CSMD1: variants seen among roughly 807,000 people sequenced by gnomAD.
The protein encoded by CSMD1 is CUB and Sushi multiple domains 1, also known as CUB and sushi domain-containing protein 1.
Under a neutral mutation model 417.5 loss-of-function variants are expected in CSMD1, and 213 were observed. The observed-to-expected ratio is 0.51, with a 90% CI of 0.46 to 0.57. The LOEUF (loss-of-function observed/expected upper bound fraction) is 0.57, where lower values mean the gene tolerates loss of function less well. Among genes scored for constraint, CSMD1 ranks in the 20% least tolerant of loss-of-function variants. The pLI is 0.00. For missense variants in CSMD1, 6,923 were observed against 4,529.7 expected (o/e 1.53, Z -15.17); for synonymous variants, 2,862 against 1,736.8 (o/e 1.65, Z -16.11).
chr8:3,524,439 G>C (rs904779552), intron 10 of CSMD1, among the ~76,000 whole-genome samples: 1 of 138,524 alleles, frequency 7.2e-6, no homozygotes, highest in African/African-American at 2.8e-5. Context: ...ATCTGCATCT[G>C]CACGCACACA....
Position 4,592,262 on chromosome 8 carries a change from A to G in CSMD1, c.302+45080T>C, listed in dbSNP as rs190900639. On this transcript the variant is annotated intron_variant, in intron 2 of 69. Coordinates refer to ENST00000635120, the MANE Select transcript of CSMD1 (RefSeq NM_033225.6). ...TCTAGTTGCAGTAACTAAAGTGTCC[A>G]GGAGGGTATTACAGAATAGTGAAAG... is the stretch of plus-strand genomic sequence containing the variant. 1.5e-3 allele frequency among the ~76,000 whole-genome samples: 223 copies of G among 151,644 alleles called. 1 individual carries two copies. Among genetic ancestry groups the G allele is most frequent in the African/African-American group, 5.3e-3 (220 of 41,272 alleles).
intron 5 of CSMD1, among the ~76,000 whole-genome samples, chr8:3,885,501 A>T (rs1585139644): frequency 6.6e-6 from 1 of 152,160 alleles, no homozygotes; most frequent in African/African-American, 2.4e-5. Context: ...CTCTCGAAAA[A>T]TGTCTCTAGA....
At chr8:4,072,535 T>C (rs549841719) in intron 3 of CSMD1, among the ~76,000 whole-genome samples, 2 of 152,150 alleles carry the variant, frequency 1.3e-5, no homozygotes, top group Non-Finnish European at 2.9e-5. Flanking sequence ...AGGAATCACA[T>C]AGTTTTAAGT....
intron 10 of CSMD1, among the ~76,000 whole-genome samples, chr8:3,542,081 A>G (rs1436453266): frequency 6.6e-6 from 1 of 152,156 alleles, no homozygotes; most frequent in African/African-American, 2.4e-5. Context: ...TATTTATTTT[A>G]CTGTGCTCTA....
chr8:3,284,862 A>C (rs957948523), intron 25 of CSMD1, among the ~76,000 whole-genome samples: 4 of 152,186 alleles, frequency 2.6e-5, no homozygotes, highest in African/African-American at 9.7e-5. Context: ...CTTCTTTCTA[A>C]AAATTATATT....
At position 4,342,199 on chromosome 8, in the gene CSMD1, C is replaced by CTG. The variant is rs753008421; in HGVS notation, c.415+77752_415+77753dup. ...CCCTTATGCAAACTTGGCAGCAGTGCTGTGTCTGTGTGTGTGTGTGTGTGT... is the reference window on the plus strand; with the variant it reads ...CCCTTATGCAAACTTGGCAGCAGTGCTGTGTGTCTGTGTGTGTGTGTGTGTGT... On this transcript the variant is annotated intron_variant, in intron 3 of 69. Transcript: ENST00000635120. Among the ~76,000 whole-genome samples the CTG allele has an allele frequency of 4.8e-4, 6 of 12,542 alleles. 1 individual carries two copies. Among genetic ancestry groups the CTG allele is most frequent in the African/African-American group, 1.3e-3 (6 of 4,492 alleles). The allele number at this position is 12,542 out of a possible 152,430, so 8.2% of individuals were successfully genotyped here. A position where few individuals can be genotyped will look rare whatever the true frequency, so the allele number is the denominator to read the frequency against.
chr8:3,993,873 G>A (rs548203536), intron 5 of CSMD1, among the ~76,000 whole-genome samples: 2 of 152,310 alleles, frequency 1.3e-5, no homozygotes, highest in South Asian at 2.1e-4. Context: ...ATGATAATGG[G>A]ATCGACAAAA....
intron 21 of CSMD1, among the ~76,000 whole-genome samples, chr8:3,354,891 C>CTATCTA (rs1426181221): frequency 7.0e-6 from 1 of 142,202 alleles, no homozygotes; most frequent in Non-Finnish European, 1.5e-5. Context: ...ATAGATATGT[C>CTATCTA]TATCTATAGA....
intron 5 of CSMD1, among the ~76,000 whole-genome samples, chr8:3,781,611 A>T (rs1017140829): frequency 6.6e-6 from 1 of 152,224 alleles, no homozygotes; most frequent in Non-Finnish European, 1.5e-5. Context: ...ACAGTCTCAC[A>T]TACCATCAAG....
Position 3,925,640 on chromosome 8 carries a change from G to T in CSMD1, c.818+72263C>A, listed in dbSNP as rs559661812. ...GTGAATAAGTCTCATGAGATCTGATGGGCTTATCAGAGGTTTCCACTTTTG... is the reference window on the plus strand; with the variant it reads ...GTGAATAAGTCTCATGAGATCTGATTGGCTTATCAGAGGTTTCCACTTTTG... On this transcript the variant is annotated intron_variant, in intron 5 of 69. Coordinates refer to ENST00000635120, the MANE Select transcript of CSMD1 (RefSeq NM_033225.6). 9.2e-5 allele frequency among the ~76,000 whole-genome samples: 14 copies of T among 152,060 alleles called. No homozygotes were observed. The South Asian group carries it at 2.7e-3, about 29-fold the overall frequency.
chr8:4,146,227 G>T (rs1275905959), intron 3 of CSMD1, among the ~76,000 whole-genome samples: 1 of 150,986 alleles, frequency 6.6e-6, no homozygotes, highest in East Asian at 1.9e-4. Context: ...ACATGAACTT[G>T]GAGAAAACCT....
At chr8:3,521,602 T>G (rs1288267726) in intron 10 of CSMD1, among the ~76,000 whole-genome samples, 1 of 152,206 alleles carries the variant, frequency 6.6e-6, no homozygotes, top group Non-Finnish European at 1.5e-5. Context: ...TTCTTGGTGT[T>G]TAGCTAAATC....
At chr8:3,864,291 A>T (rs1391899790) in intron 5 of CSMD1, among the ~76,000 whole-genome samples, 4 of 152,132 alleles carry the variant, frequency 2.6e-5, no homozygotes, top group Non-Finnish European at 4.4e-5. Context: ...TTTGGCCAAT[A>T]TTTGTTGAGC....
chr8:3,840,525 G>A (rs114603866), intron 5 of CSMD1, among the ~76,000 whole-genome samples: 2,347 of 152,022 alleles, frequency 0.015, 58 homozygotes, highest in African/African-American at 0.053. Flanking sequence ...AAACGGTAGA[G>A]GAAATGCATT....
intron 1 of CSMD1, among the ~76,000 whole-genome samples, chr8:4,826,857 C>T (rs576866457): frequency 2.6e-5 from 4 of 152,014 alleles, no homozygotes; most frequent in East Asian, 3.9e-4. Context: ...TGCCAGCTGA[C>T]GGATAAGAAA....
intron 2 of CSMD1, among the ~76,000 whole-genome samples, chr8:4,597,409 T>C (rs560353346): frequency 6.6e-6 from 1 of 152,146 alleles, no homozygotes; most frequent in South Asian, 2.1e-4. Context: ...TAAATATCCA[T>C]CCCCAAATGT....
chr8:4,455,025 T>C (rs1416409629), intron 2 of CSMD1, among the ~76,000 whole-genome samples: 1 of 152,050 alleles, frequency 6.6e-6, no homozygotes, highest in Admixed American at 6.5e-5. Context: ...AGTGTGTCAG[T>C]CCGCTGTCAT....
At chr8:4,654,811 A>T (rs1804127820) in intron 1 of CSMD1, among the ~76,000 whole-genome samples, 1 of 152,076 alleles carries the variant, frequency 6.6e-6, no homozygotes, top group African/African-American at 2.4e-5. Flanking sequence ...GTCATCTTTC[A>T]CTGGTGAAAA....
chr8:3,764,210 C>G (rs1383125139), intron 5 of CSMD1, among the ~76,000 whole-genome samples: 1 of 152,166 alleles, frequency 6.6e-6, no homozygotes, highest in Non-Finnish European at 1.5e-5. Context: ...GTCACTAAGT[C>G]ACATGTGTTC....
Sources: gnomAD v4.1 joint callset for allele counts (sites outside exome capture counted in the v4.1 genomes callset) on GRCh38, gnomAD v4.1.1 for gene constraint, MANE v1.5 for transcripts, NCBI Gene and HGNC (gene_info 2026-07-23, HGNC 2026-07-21) for gene names.